SMG6: variants seen among roughly 807,000 people sequenced by gnomAD.
SMG6 encodes the protein SMG6 nonsense mediated mRNA decay factor.
In SMG6, 66 loss-of-function variants were observed where a neutral mutation model predicts 142.2. The ratio of observed to expected loss-of-function variants is 0.46; its 90% CI spans 0.38 to 0.57. SMG6 has a LOEUF of 0.57. Ranked by LOEUF, SMG6 falls within the 20% of genes least tolerant of loss-of-function variation. SMG6 has a pLI of 0.00. For missense variants in SMG6, 1,793 were observed against 1,832.0 expected (o/e 0.98, Z 0.39); for synonymous variants, 779 against 702.4 (o/e 1.11, Z -1.72).
At chr17:2,235,242 A>C (rs1026328962) in intron 10 of SMG6, among the ~76,000 whole-genome samples, 2 of 152,242 alleles carry the variant, frequency 1.3e-5, no homozygotes, top group Non-Finnish European at 2.9e-5. Flanking sequence ...TCAAAAAGGC[A>C]TCTAAGCCCC....
chr17:2,248,891 C>CTT (rs145763145), intron 8 of SMG6, among the ~76,000 whole-genome samples: 33 of 146,800 alleles, frequency 2.2e-4, no homozygotes, highest in African/African-American at 3.5e-4. Context: ...CTTTGGAGAA[C>CTT]TTTTTTTTTT....
chr17:2,104,755 A>T (rs2069108282), intron 13 of SMG6, among the ~76,000 whole-genome samples: 1 of 152,170 alleles, frequency 6.6e-6, no homozygotes, highest in South Asian at 2.1e-4. Flanking sequence ...CAGGAAGAGG[A>T]AACTAAAGCT....
At chr17:2,145,134 A>T (rs571307363) in intron 13 of SMG6, among the ~76,000 whole-genome samples, 1 of 152,176 alleles carries the variant, frequency 6.6e-6, no homozygotes, top group South Asian at 2.1e-4. Context: ...TTTTGGAGAC[A>T]GTCTCTCTCT....
chr17:2,202,572 G>T (rs1023571740), intron 10 of SMG6, among the ~76,000 whole-genome samples: 4 of 152,050 alleles, frequency 2.6e-5, no homozygotes, highest in Non-Finnish European at 4.4e-5. Flanking sequence ...AAAAAAAATA[G>T]AGTAATGACA....
At chr17:2,095,492 CTG>C (rs1237479026) in intron 13 of SMG6, among the ~76,000 whole-genome samples, 1 of 152,216 alleles carries the variant, frequency 6.6e-6, no homozygotes. Flanking sequence ...TAAGTGCCTA[CTG>C]TGTGTGTGAG....
Position 2,292,790 on chromosome 17 carries a change from C to T in SMG6, c.2258+81G>A. 3.5e-6 allele frequency: 5 copies of T among 1,411,286 alleles called. No individual in the cohort carries two copies. The South Asian group carries it at 5.8e-5, about 16-fold the overall frequency. The allele number at this position is 1,411,286 out of a possible 1,614,324, so 87.4% of individuals were successfully genotyped here. ...GACCAATAGGGACACCTGTACAACA[C>T]CCACATGGCCTACTGCTCTTAGTAA... On this transcript the variant is annotated intron_variant, in intron 5 of 18. Coordinates refer to ENST00000263073, the MANE Select transcript of SMG6 (RefSeq NM_017575.5).
In SMG6 at chr17:2,269,076, C is replaced by T. The variant is rs568834456; in HGVS notation, c.2661+13571G>A. Among the ~76,000 whole-genome samples the T allele has an allele frequency of 4.0e-5, 6 of 151,826 alleles. No individual in the cohort carries two copies. In the South Asian group the frequency reaches 8.3e-4, roughly 21 times the overall value. On this transcript the variant is annotated intron_variant, in intron 8 of 18. Coordinates refer to ENST00000263073, the MANE Select transcript of SMG6 (RefSeq NM_017575.5). ...AAAATTAGCTGGGCATGTTGGCAGGCGCCTGTAGTCCCAGCTACTCATAGT... is the reference window on the plus strand; with the variant it reads ...AAAATTAGCTGGGCATGTTGGCAGGTGCCTGTAGTCCCAGCTACTCATAGT...
At chr17:2,112,507 CA>C (rs936042210) in intron 13 of SMG6, among the ~76,000 whole-genome samples, 1 of 132,578 alleles carries the variant, frequency 7.5e-6, no homozygotes, top group African/African-American at 2.9e-5. Flanking sequence ...GACTCTGTCT[CA>C]AAAAAAATAA....
chr17:2,090,384 A>G (rs2068685656), intron 13 of SMG6, among the ~76,000 whole-genome samples: 1 of 151,998 alleles, frequency 6.6e-6, no homozygotes, highest in Non-Finnish European at 1.5e-5. Context: ...AGCACCAGGT[A>G]TCACATACTC....
intron 13 of SMG6, among the ~76,000 whole-genome samples, chr17:2,095,412 C>T: frequency 6.6e-6 from 1 of 152,220 alleles, no homozygotes; most frequent in East Asian, 1.9e-4. Flanking sequence ...CTACGCGTGG[C>T]ACAAGAGTGG....
At chr17:2,256,137 C>T (rs887399027) in intron 8 of SMG6, 2 of 154,610 alleles carry the variant, frequency 1.3e-5, no homozygotes, top group East Asian at 1.9e-4. Flanking sequence ...GTCCCATGAC[C>T]CTGCCAAATC....
chr17:2,299,818 G>T lies in SMG6; in HGVS notation c.935C>A (p.Pro312His). Residue 312 changes from proline to histidine, a missense_variant, in exon 2 of 19, where the codon CCT (proline) becomes CAT (histidine). Pro to His is a moderately conservative substitution (Grantham distance 77). Transcript: ENST00000263073. This position sits in a 1 kb window ranked among gnomAD's most constrained non-coding sequence, Gnocchi z 4.3. ...ACTTCTCCTGGGTCCTAATCCATCA[G>T]GCTCATCAATTCTGTCCTCGTCTAA... Reference protein sequence around the residue: ...DSLDEDRIDEPDGLGPRRSSE... With the variant: ...DSLDEDRIDEHDGLGPRRSSE... 1 of 1,614,188 alleles carries T rather than the reference G, an allele frequency of 6.2e-7. No individual in the cohort carries two copies. The highest frequency in any genetic ancestry group is 8.5e-7 in the Non-Finnish European group (1 of 1,180,036).
At chr17:2,115,424 A>T (rs1057376297) in intron 13 of SMG6, among the ~76,000 whole-genome samples, 1 of 152,206 alleles carries the variant, frequency 6.6e-6, no homozygotes, top group Non-Finnish European at 1.5e-5. Context: ...AGTCAATGTG[A>T]AAACAGGCAC....
chr17:2,220,307 A>G (rs1032236075), intron 10 of SMG6, among the ~76,000 whole-genome samples: 4 of 152,144 alleles, frequency 2.6e-5, no homozygotes, highest in African/African-American at 9.7e-5. Flanking sequence ...AAATGTTCAA[A>G]AAGAGGGTAA....
intron 6 of SMG6, among the ~76,000 whole-genome samples, chr17:2,287,329 A>G (rs565602041): frequency 8.5e-5 from 13 of 152,236 alleles, no homozygotes; most frequent in Non-Finnish European, 5.9e-5. Flanking sequence ...GGAAACATAA[A>G]TTAAAACCAT....
In SMG6 at chr17:2,065,498, G is replaced by T; in HGVS notation, c.4017C>A (p.Ala1339=). 1 of 1,613,502 alleles carries T rather than the reference G, an allele frequency of 6.2e-7. No individual in the cohort carries two copies. Among genetic ancestry groups the T allele is most frequent in the Non-Finnish European group, 8.5e-7 (1 of 1,179,990 alleles). Residue 1339 remains alanine (A), a synonymous_variant, in exon 17 of 19, where the codon GCC becomes GCA. Coordinates refer to ENST00000263073, the MANE Select transcript of SMG6 (RefSeq NM_017575.5). ...GGCCAGTGATGTCCTCACTGCGGAA[G>T]GCGATGGATTCGAGTTCATTGCCAC... ...TSRGNELESI[A]FRSEDITGQL... is the part of the protein sequence containing the mutation.
At chr17:2,155,022 T>G (rs1201807260) in intron 13 of SMG6, among the ~76,000 whole-genome samples, 2 of 150,946 alleles carry the variant, frequency 1.3e-5, no homozygotes, top group South Asian at 2.1e-4. Flanking sequence ...AGATGTTGTC[T>G]CAAAAAAAAC....
At chr17:2,184,899 A>C (rs2071928052) in intron 12 of SMG6, among the ~76,000 whole-genome samples, 2 of 124,948 alleles carry the variant, frequency 1.6e-5, no homozygotes, top group Non-Finnish European at 3.2e-5. Flanking sequence ...CAGGAGACAG[A>C]GGTTGCAGCC....
chr17:2,194,707 C>A (rs975786191), intron 10 of SMG6, among the ~76,000 whole-genome samples: 148 of 139,912 alleles, frequency 1.1e-3, no homozygotes, highest in African/African-American at 1.9e-3. Context: ...GAAAACAAAA[C>A]AAAACAAAAA....
Sources: gnomAD v4.1 joint callset for allele counts (sites outside exome capture counted in the v4.1 genomes callset) on GRCh38, gnomAD v4.1.1 for gene constraint, Gnocchi (gnomAD v3.1) non-coding constraint, MANE v1.5 for transcripts, NCBI Gene and HGNC (gene_info 2026-07-23, HGNC 2026-07-21) for gene names.